The following DPH6 variants were observed in gnomAD, a reference collection of about 807,000 sequenced individuals.
DPH6 encodes diphthine--ammonia ligase.
DPH6 carries 33 observed loss-of-function variants against 38.2 expected under a neutral mutation model. The ratio of observed to expected loss-of-function variants is 0.86; its 90% confidence interval spans 0.65 to 1.15. The LOEUF is 1.15. DPH6 is among the 50% of genes most tolerant of loss of function. The pLI, the probability that DPH6 is intolerant of heterozygous loss-of-function variation, is 0.00. For missense variants in DPH6, 325 were observed against 320.0 expected (o/e 1.02, Z -0.12); for synonymous variants, 108 against 103.0 (o/e 1.05, Z -0.30).
intron 3 of DPH6, among the ~76,000 whole-genome samples, chr15:35,532,182 A>C (rs1019599352): frequency 2.0e-5 from 3 of 152,226 alleles, no homozygotes; most frequent in African/African-American, 7.2e-5. Context: ...TGAGAATAGC[A>C]GGATCAGACT....
chr15:35,408,044 G>A (rs1051724937), intron 6 of DPH6, among the ~76,000 whole-genome samples: 6 of 152,030 alleles, frequency 3.9e-5, no homozygotes. Context: ...AGGGGTTGAG[G>A]TAGTATTCCA....
chr15:35,522,804 T>A (rs1450160775), intron 3 of DPH6, among the ~76,000 whole-genome samples: 1 of 152,098 alleles, frequency 6.6e-6, no homozygotes, highest in Admixed American at 6.6e-5. Flanking sequence ...TTAAAATATA[T>A]CCTACAGATA....
At chr15:35,207,038 C>CTTT in the DPH6 span, among the ~76,000 whole-genome samples, 1,835 of 74,068 alleles carry the variant, frequency 0.025, 418 homozygotes, top group Non-Finnish European at 0.034. Context: ...TTTAGTAAAG[C>CTTT]TTTTTTTTTT....
chr15:35,464,645 T>C (rs1023654170), intron 3 of DPH6, among the ~76,000 whole-genome samples: 2 of 152,204 alleles, frequency 1.3e-5, no homozygotes, highest in Non-Finnish European at 2.9e-5. Context: ...TTGGTCTCCA[T>C]TTGGTAGCTG....
At chr15:35,348,021 G>A (rs2140887163) in intron 3 of DPH6, among the ~76,000 whole-genome samples, 1 of 152,146 alleles carries the variant, frequency 6.6e-6, no homozygotes, top group East Asian at 1.9e-4. Context: ...TTGAGTTATA[G>A]AAATTCTTGA....
intron 3 of DPH6, among the ~76,000 whole-genome samples, chr15:35,501,067 A>T (rs1172724078): frequency 6.6e-6 from 1 of 152,150 alleles, no homozygotes; most frequent in Non-Finnish European, 1.5e-5. Flanking sequence ...CATTAAAAGA[A>T]TGGAACTATT....
Position 35,470,742 on chromosome 15 carries a change from A to G in DPH6, c.313-15922T>C, listed in dbSNP as rs112017723. Reference sequence around the variant, plus strand: ...TCAAGAATAACAAAGCCATGAGAAAATGTATCTGGCTTCACAGTCTTTAAA... The same window carrying G: ...TCAAGAATAACAAAGCCATGAGAAAGTGTATCTGGCTTCACAGTCTTTAAA... On this transcript the variant is annotated intron_variant, in intron 3 of 8. Coordinates refer to ENST00000256538, the MANE Select transcript of DPH6 (RefSeq NM_080650.4). Among the ~76,000 whole-genome samples, 438 of 152,338 alleles carry G rather than the reference A, an allele frequency of 2.9e-3. 2 individuals are homozygous for G. The highest frequency in any genetic ancestry group is 0.01 in the African/African-American group (426 of 41,574).
intron 3 of DPH6, among the ~76,000 whole-genome samples, chr15:35,533,337 T>C (rs572047723): frequency 6.6e-6 from 1 of 152,230 alleles, no homozygotes; most frequent in African/African-American, 2.4e-5. Context: ...CAAATCAAAG[T>C]CATCTTCTCC....
At chr15:35,284,445 T>G (rs2051925527) in intron 3 of DPH6, among the ~76,000 whole-genome samples, 1 of 152,116 alleles carries the variant, frequency 6.6e-6, no homozygotes, top group South Asian at 2.1e-4. Context: ...ACTAATAGAT[T>G]GCAAAAATTT....
At chr15:35,423,088 T>C (rs1276302667) in intron 5 of DPH6, among the ~76,000 whole-genome samples, 1 of 151,924 alleles carries the variant, frequency 6.6e-6, no homozygotes, top group East Asian at 1.9e-4. Context: ...GAAGTGTGAT[T>C]GCCGGATCAT....
At chr15:35,543,611 A>C (rs186446332) in intron 1 of DPH6, among the ~76,000 whole-genome samples, 39 of 152,216 alleles carry the variant, frequency 2.6e-4, no homozygotes, top group Admixed American at 2.5e-3. Flanking sequence ...ATAGCTCAAG[A>C]AACTGAGCAC....
chr15:35,354,072 C>T (rs1023686164), intron 3 of DPH6, among the ~76,000 whole-genome samples: 1 of 152,102 alleles, frequency 6.6e-6, no homozygotes, highest in African/African-American at 2.4e-5. Flanking sequence ...CATGATTTGG[C>T]TCTCTGTTTG....
chr15:35,497,518 A>G (rs1328199195), intron 3 of DPH6, among the ~76,000 whole-genome samples: 3 of 152,202 alleles, frequency 2.0e-5, no homozygotes, highest in African/African-American at 7.2e-5. Flanking sequence ...TTTTAAAAAT[A>G]GCCATATCCA....
chr15:35,215,806 G>A (rs531955645), downstream of DPH6, among the ~76,000 whole-genome samples: 2 of 152,260 alleles, frequency 1.3e-5, no homozygotes, highest in South Asian at 2.1e-4. Context: ...CTATTTTAAC[G>A]ACAAGTGCAC....
At chr15:35,532,535 AGGTTTT>A (rs1272785269) in intron 3 of DPH6, among the ~76,000 whole-genome samples, 4 of 152,184 alleles carry the variant, frequency 2.6e-5, no homozygotes, top group African/African-American at 9.6e-5. Flanking sequence ...AGTAGGGCCT[AGGTTTT>A]GACTTAGATG....
At chr15:35,491,690 TAC>T (rs1391773850) in intron 3 of DPH6, among the ~76,000 whole-genome samples, 2 of 138,660 alleles carry the variant, frequency 1.4e-5, no homozygotes, top group South Asian at 2.6e-4. Context: ...TGTATGTATA[TAC>T]ACACATATAA....
intron 3 of DPH6, 71 bp downstream of exon 3, chr15:35,538,203 A>C: frequency 7.7e-7 from 1 of 1,295,280 alleles, no homozygotes; most frequent in Non-Finnish European, 1.0e-6. Context: ...CGGATTACTA[A>C]ATAATTCGGC....
chr15:35,237,709 G>T (rs2051564290), intron 3 of DPH6: 1 of 1,613,726 alleles, frequency 6.2e-7, no homozygotes. Context: ...TAACCAACCT[G>T]AACGACTACC....
At chr15:35,366,335 A>G (rs1415426815), downstream of DPH6, among the ~76,000 whole-genome samples, 2 of 151,376 alleles carry the variant, frequency 1.3e-5, no homozygotes, top group South Asian at 2.1e-4. Context: ...TCAATCCCCC[A>G]TTGTGAGTAA....
Sources: allele counts gnomAD v4.1 joint callset (sites outside exome capture counted in the v4.1 genomes callset), GRCh38; gene constraint gnomAD v4.1.1; transcripts MANE v1.5; gene names NCBI Gene and HGNC (gene_info 2026-07-23, HGNC 2026-07-21).